The following SLC39A8 variants were observed in gnomAD, a reference collection of about 807,000 sequenced individuals.
The protein encoded by SLC39A8 is solute carrier family 39 member 8.
In SLC39A8, 15 loss-of-function variants were observed where a neutral mutation model predicts 40.4. That is an observed-to-expected ratio of 0.37 (90% CI 0.25 to 0.57). The LOEUF (loss-of-function observed/expected upper bound fraction) is 0.57, where lower values mean the gene tolerates loss of function less well. Ranked by LOEUF, SLC39A8 falls within the 20% of genes least tolerant of loss-of-function variation. The pLI, the probability that SLC39A8 is intolerant of heterozygous loss-of-function variation, is 0.75. For missense variants in SLC39A8, 472 were observed against 558.8 expected (o/e 0.84, Z 1.57); for synonymous variants, 223 against 221.6 (o/e 1.01, Z -0.06).
At chr4:102,334,489 C>T (rs1026541428) in intron 2 of SLC39A8, among the ~76,000 whole-genome samples, 3 of 152,116 alleles carry the variant, frequency 2.0e-5, no homozygotes, top group Non-Finnish European at 4.4e-5. Flanking sequence ...GTTTTAGGGC[C>T]GGCCCTGATT....
intron 2 of SLC39A8, among the ~76,000 whole-genome samples, chr4:102,333,313 CA>C (rs1353914478): frequency 6.6e-6 from 1 of 152,048 alleles, no homozygotes; most frequent in African/African-American, 2.4e-5. Flanking sequence ...GCATGCCAGG[CA>C]AAAGACAGAG....
chr4:102,282,409 A>C (rs766709924), intron 6 of SLC39A8, among the ~76,000 whole-genome samples: 5 of 152,230 alleles, frequency 3.3e-5, no homozygotes, highest in Non-Finnish European at 5.9e-5. Context: ...GTGCATAAAA[A>C]AAGTTCATTA....
intron 6 of SLC39A8, among the ~76,000 whole-genome samples, chr4:102,291,789 G>T (rs1369963085): frequency 6.6e-6 from 1 of 151,876 alleles, no homozygotes; most frequent in Non-Finnish European, 1.5e-5. Flanking sequence ...AAGAAGCAAA[G>T]CATCAAAATT....
At position 102,262,785 on chromosome 4, in the gene SLC39A8, C is replaced by A; in HGVS notation, c.*259G>T. 8.3e-7 allele frequency: 1 copy of A among 1,199,134 alleles called. No individual in the cohort carries two copies. The highest frequency in any genetic ancestry group is 1.0e-6 in the Non-Finnish European group (1 of 963,106). The allele number at this position is 1,199,134 out of a possible 1,614,324, so 74.3% of individuals were successfully genotyped here. A position where few individuals can be genotyped will look rare whatever the true frequency, so the allele number is the denominator to read the frequency against. On this transcript the variant is annotated 3_prime_UTR_variant, in exon 9 of 9. Transcript: ENST00000356736. ...TTGCTTCATGGTGATATCTAATATGCATGGAATACTGAAAAATAGGTATTT... is the reference window on the plus strand; with the variant it reads ...TTGCTTCATGGTGATATCTAATATGAATGGAATACTGAAAAATAGGTATTT...
intron 2 of SLC39A8, among the ~76,000 whole-genome samples, chr4:102,332,469 A>G (rs1194331165): frequency 1.3e-5 from 2 of 152,250 alleles, no homozygotes; most frequent in East Asian, 1.9e-4. Flanking sequence ...CTGATATACC[A>G]TCTCATGCCA....
downstream of SLC39A8, among the ~76,000 whole-genome samples, chr4:102,261,140 CTT>C (rs35483516): frequency 0.81 from 123,055 of 152,008 alleles, 50,717 homozygotes; most frequent in African/African-American, 0.95. Flanking sequence ...GTTGGAGAAT[CTT>C]TATTTATTAT....
At chr4:102,322,228 T>C (rs1044602027) in intron 2 of SLC39A8, among the ~76,000 whole-genome samples, 6 of 152,154 alleles carry the variant, frequency 3.9e-5, no homozygotes, top group African/African-American at 9.7e-5. Flanking sequence ...TCTGCCGCCA[T>C]GTGAAAGAAG....
At chr4:102,316,677 C>T (rs1257941267) in intron 2 of SLC39A8, among the ~76,000 whole-genome samples, 3 of 152,052 alleles carry the variant, frequency 2.0e-5, no homozygotes, top group African/African-American at 4.8e-5. Context: ...CTTTAATAAA[C>T]GTAATTTAGG....
chr4:102,344,120 T>C (rs1736055709), intron 2 of SLC39A8, among the ~76,000 whole-genome samples: 1 of 152,198 alleles, frequency 6.6e-6, no homozygotes, highest in Non-Finnish European at 1.5e-5. Flanking sequence ...CATTCCTATC[T>C]AAAAAGCATC....
At chr4:102,321,828 T>C (rs577080162) in intron 2 of SLC39A8, among the ~76,000 whole-genome samples, 24 of 152,294 alleles carry the variant, frequency 1.6e-4, no homozygotes, top group Admixed American at 3.9e-4. Flanking sequence ...AATGAGGTCA[T>C]AGCTGAGTGG....
At chr4:102,299,444 T>C (rs1414260348) in intron 6 of SLC39A8, among the ~76,000 whole-genome samples, 3 of 152,066 alleles carry the variant, frequency 2.0e-5, no homozygotes, top group East Asian at 3.9e-4. Flanking sequence ...CTCTGGGTCC[T>C]CATCTCCTCT....
chr4:102,296,829 A>G (rs1227741911), intron 6 of SLC39A8, among the ~76,000 whole-genome samples: 1 of 152,088 alleles, frequency 6.6e-6, no homozygotes, highest in Admixed American at 6.6e-5. Context: ...GTAACTCAAC[A>G]GGGAGGGGAG....
intron 2 of SLC39A8, among the ~76,000 whole-genome samples, chr4:102,316,978 G>A (rs962764561): frequency 6.6e-6 from 1 of 152,196 alleles, no homozygotes; most frequent in African/African-American, 2.4e-5. Context: ...GACCCAAGGA[G>A]AGAGCCCTCA....
intron 6 of SLC39A8, among the ~76,000 whole-genome samples, chr4:102,278,690 G>C (rs1171591127): frequency 2.0e-5 from 3 of 152,146 alleles, no homozygotes; most frequent in Non-Finnish European, 4.4e-5. Context: ...ACATGCACAT[G>C]TATGTTTACT....
chr4:102,304,575 G>T, intron 5 of SLC39A8, 94 bp from the exon 6 acceptor site: 4 of 1,019,312 alleles, frequency 3.9e-6, no homozygotes, highest in Non-Finnish European at 1.4e-6. Context: ...ATTTATAAGA[G>T]GAAAATTGTA....
chr4:102,262,521 T>C lies in SLC39A8; in HGVS notation c.*523A>G. 1 of 985,330 alleles carries C rather than the reference T, an allele frequency of 1.0e-6. No homozygotes were observed. The highest frequency in any genetic ancestry group is 1.2e-6 in the Non-Finnish European group (1 of 829,688). The allele number at this position is 985,330 out of a possible 1,614,324, so 61.0% of individuals were successfully genotyped here. ...AAACAGAACAAAAAGCTGTGAGAAA[T>C]CTTTTTTTTCTTTGGCTCCTTAAAG... On this transcript the variant is annotated 3_prime_UTR_variant, in exon 9 of 9. Coordinates refer to ENST00000356736, the MANE Select transcript of SLC39A8 (RefSeq NM_001135146.2).
At chr4:102,287,655 A>G (rs1039565696) in intron 6 of SLC39A8, among the ~76,000 whole-genome samples, 1 of 152,162 alleles carries the variant, frequency 6.6e-6, no homozygotes, top group Non-Finnish European at 1.5e-5. Flanking sequence ...TTTTTATGTC[A>G]GTAAGTTCTA....
chr4:102,326,775 C>T (rs896524771), intron 2 of SLC39A8, among the ~76,000 whole-genome samples: 15 of 152,078 alleles, frequency 9.9e-5, no homozygotes, highest in Admixed American at 9.8e-4. Context: ...ATAAAAATGA[C>T]ACACCAGCAG....
At chr4:102,331,728 A>G (rs576151962) in intron 2 of SLC39A8, among the ~76,000 whole-genome samples, 1 of 152,356 alleles carries the variant, frequency 6.6e-6, no homozygotes, top group African/African-American at 2.4e-5. Context: ...AGGAAAAAGA[A>G]CAAAGCTGGA....
Sources: allele counts gnomAD v4.1 joint callset (sites outside exome capture counted in the v4.1 genomes callset), GRCh38; gene constraint gnomAD v4.1.1; transcripts MANE v1.5; gene names NCBI Gene and HGNC (gene_info 2026-07-23, HGNC 2026-07-21).